TAF4B: variants seen among roughly 807,000 people sequenced by gnomAD.
The protein encoded by TAF4B is transcription initiation factor TFIID subunit 4B.
TAF4B carries 38 observed loss-of-function variants against 86.4 expected under a neutral mutation model. That is an observed-to-expected ratio of 0.44 (90% CI 0.34 to 0.58). TAF4B has a LOEUF of 0.58. Ranked by LOEUF, TAF4B falls within the 20% of genes least tolerant of loss-of-function variation. TAF4B has a pLI of 0.02. For missense variants in TAF4B, 988 were observed against 1,027.6 expected, an observed-to-expected ratio of 0.96 and a Z score of 0.53; for synonymous variants, 388 against 391.2, an observed-to-expected ratio of 0.99 and a Z score of 0.10.
At chr18:26,288,476 A>C (rs1389189704) in intron 7 of TAF4B, among the ~76,000 whole-genome samples, 4 of 152,152 alleles carry the variant, frequency 2.6e-5, no homozygotes, top group Non-Finnish European at 5.9e-5. Context: ...CTCTACTAAA[A>C]ATACAAAAAT....
At chr18:26,367,349 G>A (rs561823209) in intron 14 of TAF4B, among the ~76,000 whole-genome samples, 8 of 152,182 alleles carry the variant, frequency 5.3e-5, no homozygotes, top group Non-Finnish European at 1.0e-4. Context: ...AGTCCAAGGC[G>A]GAAGGCCTGA....
chr18:26,231,617 T>C (rs1311866680), intron 1 of TAF4B, among the ~76,000 whole-genome samples: 1 of 152,058 alleles, frequency 6.6e-6, no homozygotes, highest in Admixed American at 6.6e-5. Context: ...CCTCCCAAAG[T>C]GCTGAGACTG....
chr18:26,228,615 A>G (rs1269760981), intron 1 of TAF4B, among the ~76,000 whole-genome samples: 1 of 143,654 alleles, frequency 7.0e-6, no homozygotes, highest in African/African-American at 2.7e-5. Flanking sequence ...AAGTTTGTTT[A>G]TAAATAGTCA....
chr18:26,249,762 G>C (rs113408488), intron 1 of TAF4B, among the ~76,000 whole-genome samples: 3 of 151,396 alleles, frequency 2.0e-5, no homozygotes, highest in African/African-American at 7.3e-5. Flanking sequence ...TCTTTCTTTC[G>C]CCTAGGCTGG....
intron 14 of TAF4B, among the ~76,000 whole-genome samples, chr18:26,363,037 C>G (rs568143775): frequency 1.3e-5 from 2 of 152,196 alleles, no homozygotes; most frequent in Non-Finnish European, 2.9e-5. Flanking sequence ...CATGCAAATA[C>G]TATGCCATTT....
At chr18:26,362,250 C>T (rs1482578442) in intron 14 of TAF4B, among the ~76,000 whole-genome samples, 1 of 152,098 alleles carries the variant, frequency 6.6e-6, no homozygotes, top group Non-Finnish European at 1.5e-5. Context: ...TATTGCCTGT[C>T]TTATGTTTTA....
intron 1 of TAF4B, among the ~76,000 whole-genome samples, chr18:26,241,904 T>A (rs989517436): frequency 6.6e-5 from 10 of 152,168 alleles, no homozygotes; most frequent in Non-Finnish European, 1.5e-4. Context: ...TTTGAGTGAG[T>A]TTCTTAATCC....
chr18:26,333,523 G>T (rs760976484), intron 12 of TAF4B, among the ~76,000 whole-genome samples: 2 of 152,132 alleles, frequency 1.3e-5, no homozygotes. Context: ...CTGAGTAGCT[G>T]GGACTATAGG....
At chr18:26,363,082 A>G (rs535557856) in intron 14 of TAF4B, among the ~76,000 whole-genome samples, 16 of 152,098 alleles carry the variant, frequency 1.1e-4, no homozygotes, top group Non-Finnish European at 5.9e-5. Context: ...GGTTTTTGCT[A>G]TCTATATCTT....
chr18:26,314,643 G>A (rs1267095809), intron 9 of TAF4B, among the ~76,000 whole-genome samples: 1 of 152,094 alleles, frequency 6.6e-6, no homozygotes, highest in Non-Finnish European at 1.5e-5. Context: ...GTTTTAGAAT[G>A]GCTAGTCTAG....
At chr18:26,346,325 C>A (rs1336017001) in intron 13 of TAF4B, among the ~76,000 whole-genome samples, 5 of 150,234 alleles carry the variant, frequency 3.3e-5, no homozygotes, top group East Asian at 2.0e-4. Context: ...CCCCTCCCCC[C>A]AAAAAAAGAA....
At chr18:26,276,139 A>G (rs1007202828) in intron 5 of TAF4B, among the ~76,000 whole-genome samples, 29 of 152,166 alleles carry the variant, frequency 1.9e-4, no homozygotes, top group African/African-American at 5.8e-4. Flanking sequence ...TTGGGACCAC[A>G]GAAGTTAGTT....
intron 9 of TAF4B, among the ~76,000 whole-genome samples, chr18:26,308,420 G>A (rs1352203562): frequency 6.6e-6 from 1 of 152,128 alleles, no homozygotes; most frequent in Non-Finnish European, 1.5e-5. Flanking sequence ...CTGAGAAGGA[G>A]GACGTTAGAG....
At chr18:26,370,068 T>C (rs1340913026) in intron 14 of TAF4B, among the ~76,000 whole-genome samples, 1 of 152,230 alleles carries the variant, frequency 6.6e-6, no homozygotes, top group Non-Finnish European at 1.5e-5. Flanking sequence ...AGAACAAGTA[T>C]TTATTACCAC....
At chr18:26,256,962 A>G (rs1014076631) in intron 1 of TAF4B, among the ~76,000 whole-genome samples, 11 of 150,592 alleles carry the variant, frequency 7.3e-5, no homozygotes, top group Admixed American at 5.9e-4. Context: ...TTTTGCACCA[A>G]CCTAATATAA....
At chr18:26,314,726 G>A (rs1160262467) in intron 9 of TAF4B, among the ~76,000 whole-genome samples, 1 of 152,126 alleles carries the variant, frequency 6.6e-6, no homozygotes, top group Non-Finnish European at 1.5e-5. Flanking sequence ...GCCCTTAAGT[G>A]GAATGAATGG....
In TAF4B at chr18:26,289,299, C is replaced by T. The variant is rs928298530; in HGVS notation, c.1590+2800C>T. 1.3e-4 allele frequency among the ~76,000 whole-genome samples: 20 copies of T among 152,124 alleles called. 1 individual carries two copies. The highest frequency in any genetic ancestry group is 1.2e-3 in the Admixed American group (18 of 15,266). On this transcript the variant is annotated intron_variant, in intron 7 of 14. Coordinates refer to ENST00000269142, the MANE Select transcript of TAF4B (RefSeq NM_005640.3). ...CTATAAAATAACGTATTCCATGCAGCTTATAAGAAATATGGCAAATAATCA... is the reference window on the plus strand; with the variant it reads ...CTATAAAATAACGTATTCCATGCAGTTTATAAGAAATATGGCAAATAATCA...
chr18:26,362,681 G>T (rs554798807), intron 14 of TAF4B, among the ~76,000 whole-genome samples: 3 of 152,222 alleles, frequency 2.0e-5, no homozygotes, highest in East Asian at 3.9e-4. Context: ...TACTAACTTG[G>T]ATATAAATAT....
At chr18:26,306,587 A>G (rs1177363578) in intron 9 of TAF4B, among the ~76,000 whole-genome samples, 1 of 152,148 alleles carries the variant, frequency 6.6e-6, no homozygotes, top group African/African-American at 2.4e-5. Context: ...TGAGTTTTGG[A>G]AAAGGAGTAT....
Sources: gnomAD v4.1 joint callset for allele counts (sites outside exome capture counted in the v4.1 genomes callset) on GRCh38, gnomAD v4.1.1 for gene constraint, MANE v1.5 for transcripts, NCBI Gene and HGNC (gene_info 2026-07-23, HGNC 2026-07-21) for gene names.